Variants in SZRD1 observed in about 807,000 individuals in gnomAD.
SZRD1 encodes SUZ RNA-binding domain-containing.
Under a neutral mutation model 17.6 loss-of-function variants are expected in SZRD1, and 7 were observed. The ratio of observed to expected loss-of-function variants is 0.40; its 90% CI spans 0.23 to 0.75. SZRD1 has a LOEUF of 0.75. Ranked by LOEUF, SZRD1 falls within the 30% of genes least tolerant of loss-of-function variation. SZRD1 has a pLI of 0.38. For missense variants in SZRD1, 178 were observed against 201.8 expected, an observed-to-expected ratio of 0.88 and a Z score of 0.71; for synonymous variants, 77 against 77.9, an observed-to-expected ratio of 0.99 and a Z score of 0.06.
chr1:16,395,078 A>G lies in SZRD1; in HGVS notation c.397A>G (p.Asn133Asp). Residue 133 changes from asparagine to aspartate, a missense_variant, in exon 4 of 4, where the codon AAT becomes GAT. Coordinates refer to ENST00000401088, the MANE Select transcript of SZRD1 (RefSeq NM_001114600.3). ...ISQPEDSRQP[N>D]NVIRQPLGPD... The stretch of plus-strand genomic sequence containing the variant: ...CCAACCCGAAGACAGCAGGCAGCCC[A>G]ATAATGTGATCAGACAGCCTTTGGG... 1 of 1,614,072 alleles carries G rather than the reference A, an allele frequency of 6.2e-7. No homozygotes were observed. The highest frequency in any genetic ancestry group is 1.1e-5 in the South Asian group (1 of 91,082).
At chr1:16,381,610 A>G (rs918039791) in intron 1 of SZRD1, among the ~76,000 whole-genome samples, 4 of 151,542 alleles carry the variant, frequency 2.6e-5, no homozygotes, top group Non-Finnish European at 5.9e-5. Flanking sequence ...AGAGAGATTT[A>G]AAAGAAGTGC....
chr1:16,395,274 C>G lies in SZRD1; in HGVS notation c.*134C>G, dbSNP rs763687042. On this transcript the variant is annotated 3_prime_UTR_variant, in exon 4 of 4. Coordinates refer to ENST00000401088, the MANE Select transcript of SZRD1 (RefSeq NM_001114600.3). Reference sequence around the variant, plus strand: ...CTGACTTACTTGCACTGTGATCCCCCTTGCTCCGCCCACTGTGACCTTGAA... The same window carrying G: ...CTGACTTACTTGCACTGTGATCCCCGTTGCTCCGCCCACTGTGACCTTGAA... The G allele has an allele frequency of 9.8e-6, 7 of 717,468 alleles. No homozygotes were observed. The highest frequency in any genetic ancestry group is 1.5e-5 in the Non-Finnish European group (6 of 388,158). 44.4% of individuals were successfully genotyped at this position (717,468 alleles called of 1,614,324 possible).
Position 16,391,508 on chromosome 1 carries a change from A to G in SZRD1, c.101+84A>G, listed in dbSNP as rs889771189. On this transcript the variant is annotated intron_variant, in intron 2 of 3. Coordinates refer to ENST00000401088, the MANE Select transcript of SZRD1 (RefSeq NM_001114600.3). The surrounding 1 kb of genome is among the most constrained non-coding windows in gnomAD (Gnocchi z 4.3). ...CAGTGGTGTTCTCCAGCTGGCCATT[A>G]GGATTAGCAGGTCCTAGCAGGTCAG... 8.4e-6 allele frequency: 10 copies of G among 1,183,626 alleles called. No individual in the cohort carries two copies. The highest frequency in any genetic ancestry group is 1.1e-5 in the Non-Finnish European group (9 of 821,356). 73.3% of individuals were successfully genotyped at this position (1,183,626 alleles called of 1,614,324 possible).
chr1:16,372,676 T>G (rs774151652), intron 1 of SZRD1, among the ~76,000 whole-genome samples: 1 of 152,216 alleles, frequency 6.6e-6, no homozygotes, highest in Non-Finnish European at 1.5e-5. Context: ...CTTGAATAAG[T>G]TAAAGGATGA....
chr1:16,383,765 A>C (rs1268911243), intron 1 of SZRD1, among the ~76,000 whole-genome samples: 2 of 151,338 alleles, frequency 1.3e-5, no homozygotes, highest in Non-Finnish European at 2.9e-5. Flanking sequence ...GATTACAGGC[A>C]TGCGCCACCA....
rs748687896 is a variant in SZRD1, at chr1:16,385,646, G to A, written c.52-5729G>A. Reference sequence around the variant, plus strand: ...ATCTTTTGTCACCTTTGTTCCTTTTGTAGCTTGTGACAGTAACAAACTGGG... The same window carrying A: ...ATCTTTTGTCACCTTTGTTCCTTTTATAGCTTGTGACAGTAACAAACTGGG... On this transcript the variant is annotated intron_variant, in intron 1 of 3. Coordinates refer to ENST00000401088, the MANE Select transcript of SZRD1 (RefSeq NM_001114600.3). 1.1e-4 allele frequency among the ~76,000 whole-genome samples: 16 copies of A among 151,994 alleles called. 1 individual carries two copies. Among genetic ancestry groups the A allele is most frequent in the Admixed American group, 3.3e-4 (5 of 15,258 alleles).
chr1:16,387,420 A>G, intron 1 of SZRD1: 6 of 448,690 alleles, frequency 1.3e-5, no homozygotes, highest in South Asian at 9.4e-5. Flanking sequence ...TCGCAGCGAT[A>G]TGAAAGTGAA....
At chr1:16,376,595 C>T (rs2083006364) in intron 1 of SZRD1, among the ~76,000 whole-genome samples, 1 of 152,122 alleles carries the variant, frequency 6.6e-6, no homozygotes, top group African/African-American at 2.4e-5. Flanking sequence ...CACTTGAGGT[C>T]AGGAGTTCCA....
intron 1 of SZRD1, among the ~76,000 whole-genome samples, chr1:16,370,607 A>C (rs1442879966): frequency 6.7e-6 from 1 of 150,272 alleles, no homozygotes; most frequent in Non-Finnish European, 1.5e-5. Flanking sequence ...GGCATGTGCC[A>C]CTATGCCTGG....
chr1:16,393,443 C>T lies in SZRD1; in HGVS notation c.317C>T (p.Ala106Val). ...AEARKRILGSASPEEEQEKPI... is the reference protein window; with the variant it reads ...AEARKRILGSVSPEEEQEKPI... ...GCCCGGAAGCGGATCCTGGGCAGCG[C>T]CAGCCCCGAGGAGGAGCAGGAGAAA... The change falls in exon 3 of 4, where the codon GCC (alanine) becomes GTC (valine). Residue 106 changes from alanine to valine, a missense_variant. Around this residue, in one of 3 missense-constraint regions of SZRD1, gnomAD observed 57 missense variants for 71.9 expected, o/e 0.79. Transcript: ENST00000401088. This position sits in a 1 kb window ranked among gnomAD's most constrained non-coding sequence, Gnocchi z 5.6. The T allele has an allele frequency of 6.2e-7, 1 of 1,613,938 alleles. No individual in the cohort carries two copies. Among genetic ancestry groups the T allele is most frequent in the Non-Finnish European group, 8.5e-7 (1 of 1,179,948 alleles).
intron 1 of SZRD1, among the ~76,000 whole-genome samples, chr1:16,383,106 T>C (rs556177364): frequency 1.3e-5 from 2 of 152,334 alleles, no homozygotes; most frequent in South Asian, 2.1e-4. Context: ...CCTCAGGTGA[T>C]GCACCCACCT....
chr1:16,372,559 G>A (rs1364542458), intron 1 of SZRD1, among the ~76,000 whole-genome samples: 1 of 152,290 alleles, frequency 6.6e-6, no homozygotes, highest in East Asian at 1.9e-4. Context: ...TGGACCAGTG[G>A]TTATTATAAA....
At chr1:16,367,800 C>T (rs1245602651) in intron 1 of SZRD1, 2 of 156,258 alleles carry the variant, frequency 1.3e-5, no homozygotes, top group Non-Finnish European at 2.8e-5. Flanking sequence ...CCTCTTTGGG[C>T]TACTCAACTC....
At position 16,397,222 on chromosome 1, in the gene SZRD1, ACT is replaced by A. The variant is rs1234501906; in HGVS notation, c.*2083_*2084del. 6.6e-6 allele frequency: 1 copy of A among 152,374 alleles called. No individual in the cohort carries two copies. The highest frequency in any genetic ancestry group is 1.9e-4 in the East Asian group (1 of 5,180). The allele number at this position is 152,374 out of a possible 1,614,324, so 9.4% of individuals were successfully genotyped here. Reference sequence around the variant, plus strand: ...TCTGTGGATTGAGGATGTGGCAGGGACTGGTCCTCCCACCTCCCTCTGGCCAA... The same window carrying A: ...TCTGTGGATTGAGGATGTGGCAGGGAGGTCCTCCCACCTCCCTCTGGCCAA... On this transcript the variant is annotated 3_prime_UTR_variant, in exon 4 of 4. Coordinates refer to ENST00000401088, the MANE Select transcript of SZRD1 (RefSeq NM_001114600.3). This position sits in a 1 kb window ranked among gnomAD's most constrained non-coding sequence, Gnocchi z 5.4.
rs2085247516 is a variant in SZRD1 at position 16,393,294 on chromosome 1, C to T, written c.168C>T (p.Pro56=). ...VIQDDSLPAG[P]PPQIRILKRP... ...AGGACGATAGCCTTCCCGCGGGGCC[C>T]CCTCCACAGATCCGCATCCTCAAGA... The change falls in exon 3 of 4, where the codon CCC becomes CCT. Residue 56 remains proline, a synonymous_variant. Coordinates refer to ENST00000401088, the MANE Select transcript of SZRD1 (RefSeq NM_001114600.3). This position sits in a 1 kb window ranked among gnomAD's most constrained non-coding sequence, Gnocchi z 5.6. 6.2e-7 allele frequency: 1 copy of T among 1,614,178 alleles called. No homozygotes were observed. Among genetic ancestry groups the T allele is most frequent in the Non-Finnish European group, 8.5e-7 (1 of 1,180,026 alleles).
At position 16,367,277 on chromosome 1, in the gene SZRD1, C is replaced by T. The variant is rs1346479467; in HGVS notation, c.20C>T (p.Ala7Val). The T allele has an allele frequency of 7.1e-6, 11 of 1,548,740 alleles. No homozygotes were observed. The South Asian group carries it at 9.5e-5, about 13-fold the overall frequency. Residue 7 changes from alanine (A) to valine (V), a missense_variant, in exon 1 of 4, where the codon GCT (alanine) becomes GTT (valine). By Grantham distance (64) the Ala-to-Val change is moderately conservative (BLOSUM62 0). Around this residue, in one of 3 missense-constraint regions of SZRD1, gnomAD observed 117 missense variants for 108.7 expected, o/e 1.08. Coordinates refer to ENST00000401088, the MANE Select transcript of SZRD1 (RefSeq NM_001114600.3). MEDEEV[A>V]ESWEEAADSG... ...AGTAAGATGGAAGATGAGGAGGTCG[C>T]TGAGAGCTGGGAAGAGGCGGCAGAC... is the stretch of plus-strand genomic sequence containing the variant.
rs1219290316 is a variant in SZRD1, at chr1:16,396,546, A to C, written c.*1406A>C. The C allele has an allele frequency of 2.0e-5, 3 of 152,274 alleles. No homozygotes were observed. The highest frequency in any genetic ancestry group is 4.4e-5 in the Non-Finnish European group (3 of 68,096). The allele number at this position is 152,274 out of a possible 1,614,324, so 9.4% of individuals were successfully genotyped here. A position where few individuals can be genotyped will look rare whatever the true frequency, so the allele number is the denominator to read the frequency against. On this transcript the variant is annotated 3_prime_UTR_variant, in exon 4 of 4. Transcript: ENST00000401088. ...GACTAAGAGGGCAGCTGCCCAGAGC[A>C]GCTGTGTGTACCTGGCTCCTCTCAG...
rs369731024 is a variant in SZRD1 at position 16,393,196 on chromosome 1, T to C, written c.102-32T>C. The C allele has an allele frequency of 3.1e-5, 50 of 1,608,408 alleles. No individual in the cohort carries two copies. In the African/African-American group the frequency reaches 5.1e-4, roughly 16 times the overall value. On this transcript the variant is annotated intron_variant, in intron 2 of 3. Coordinates refer to ENST00000401088, the MANE Select transcript of SZRD1 (RefSeq NM_001114600.3). This position sits in a 1 kb window ranked among gnomAD's most constrained non-coding sequence, Gnocchi z 5.6. ...GACAGGGCCTCCTTAGTCAGGAGCA[T>C]GATTTGTGAAGCTGTGTTTGCTCTT...
At chr1:16,370,084 G>C (rs554186362) in intron 1 of SZRD1, among the ~76,000 whole-genome samples, 1 of 152,278 alleles carries the variant, frequency 6.6e-6, no homozygotes, top group South Asian at 2.1e-4. Flanking sequence ...TTTTGCGCAA[G>C]ATCACACAGC....
Sources: allele counts gnomAD v4.1 joint callset (sites outside exome capture counted in the v4.1 genomes callset), GRCh38; gene constraint gnomAD v4.1.1; regional missense constraint gnomAD v4.1.1; non-coding constraint Gnocchi (gnomAD v3.1); transcripts MANE v1.5; gene names NCBI Gene and HGNC (gene_info 2026-07-23, HGNC 2026-07-21).